BACH2: variants seen among roughly 807,000 people sequenced by gnomAD.
BACH2 encodes the protein BACH transcriptional regulator 2.
BACH2 carries 5 observed loss-of-function variants against 61.8 expected under a neutral mutation model. That is an observed-to-expected ratio of 0.08 (90% CI 0.04 to 0.17). The LOEUF is 0.17. BACH2 is among the 10% of genes least tolerant of loss of function. The probability of loss-of-function intolerance (pLI) is 1.00; values close to 1 mark genes in which losing one functional copy is unlikely to be tolerated. For synonymous variants in BACH2, 446 were observed against 440.1 expected (o/e 1.01, Z -0.17); for missense variants, 824 against 1,091.1 (o/e 0.76, Z 3.45).
chr6:90,188,802 C>T (rs9344993), intron 4 of BACH2, among the ~76,000 whole-genome samples: 13,943 of 142,616 alleles, frequency 0.098, 1,047 homozygotes, highest in East Asian at 0.39. Context: ...TGAGTATTTA[C>T]GTTTTTTAGC....
At chr6:90,094,214 T>A (rs1020639230) in intron 4 of BACH2, among the ~76,000 whole-genome samples, 10 of 152,206 alleles carry the variant, frequency 6.6e-5, no homozygotes, top group African/African-American at 2.4e-4. Flanking sequence ...TTCTTACCAA[T>A]TAGTTGTGAA....
intron 5 of BACH2, among the ~76,000 whole-genome samples, chr6:90,048,123 A>ATT (rs111702545): frequency 8.1e-5 from 12 of 149,004 alleles, no homozygotes; most frequent in African/African-American, 2.9e-4. Flanking sequence ...AGGTCTTTCT[A>ATT]TTTTTTTTTT....
At chr6:90,243,404 T>C (rs1770524138) in intron 3 of BACH2, among the ~76,000 whole-genome samples, 1 of 152,198 alleles carries the variant, frequency 6.6e-6, no homozygotes, top group Admixed American at 6.5e-5. Context: ...GTTCAGACTT[T>C]GGAGAAAATG....
intron 5 of BACH2, among the ~76,000 whole-genome samples, chr6:90,026,932 C>T (rs1053512722): frequency 2.0e-5 from 3 of 152,118 alleles, no homozygotes; most frequent in African/African-American, 4.8e-5. Context: ...CTAAGAAAAT[C>T]GAAATTCAAG....
chr6:89,974,102 T>C (rs1362990567), intron 6 of BACH2, among the ~76,000 whole-genome samples: 1 of 152,180 alleles, frequency 6.6e-6, no homozygotes, highest in Non-Finnish European at 1.5e-5. Flanking sequence ...ACCCTGGACC[T>C]GTTTCCCACC....
chr6:90,200,340 G>A (rs1768915846), intron 4 of BACH2, among the ~76,000 whole-genome samples: 1 of 152,094 alleles, frequency 6.6e-6, no homozygotes, highest in East Asian at 1.9e-4. Flanking sequence ...ACACGTAAAT[G>A]AAGAAATGGC....
chr6:90,138,361 T>G (rs1784351421), intron 4 of BACH2, among the ~76,000 whole-genome samples: 1 of 152,004 alleles, frequency 6.6e-6, no homozygotes, highest in Admixed American at 6.5e-5. Context: ...AAATTAGCCA[T>G]GCGTGGTGGC....
At chr6:90,255,449 A>C (rs1481944611) in intron 2 of BACH2, among the ~76,000 whole-genome samples, 1 of 152,166 alleles carries the variant, frequency 6.6e-6, no homozygotes, top group Admixed American at 6.5e-5. Flanking sequence ...CTGAGACCCA[A>C]AGAGTGTCAG....
chr6:90,209,697 A>C (rs1769276007), intron 3 of BACH2, among the ~76,000 whole-genome samples: 1 of 152,180 alleles, frequency 6.6e-6, no homozygotes, highest in South Asian at 2.1e-4. Context: ...ACCCAGCTCC[A>C]ATCATGCCAC....
intron 5 of BACH2, among the ~76,000 whole-genome samples, chr6:90,076,057 A>C (rs1305413941): frequency 6.6e-6 from 1 of 152,168 alleles, no homozygotes; most frequent in Non-Finnish European, 1.5e-5. Flanking sequence ...AAGAAGCGAA[A>C]AAAATGATTT....
At chr6:90,013,000 G>A (rs1340972691) in intron 5 of BACH2, among the ~76,000 whole-genome samples, 1 of 152,062 alleles carries the variant, frequency 6.6e-6, no homozygotes. Context: ...TACCTCTTTT[G>A]TCAGATTTAT....
intron 5 of BACH2, among the ~76,000 whole-genome samples, chr6:90,078,163 A>G (rs1209376764): frequency 6.6e-6 from 1 of 152,194 alleles, no homozygotes; most frequent in Non-Finnish European, 1.5e-5. Context: ...GAATTACACC[A>G]CCATGGAAGC....
intron 5 of BACH2, among the ~76,000 whole-genome samples, chr6:90,081,995 C>A (rs1781746310): frequency 6.6e-6 from 1 of 152,040 alleles, no homozygotes; most frequent in South Asian, 2.1e-4. Flanking sequence ...AGAGATGCAT[C>A]TTTAAAGGGG....
At chr6:90,184,815 A>G (rs1029390721) in intron 4 of BACH2, among the ~76,000 whole-genome samples, 1 of 152,198 alleles carries the variant, frequency 6.6e-6, no homozygotes, top group East Asian at 1.9e-4. Flanking sequence ...TGCCTATGGT[A>G]TGGCTAAGGG....
intron 1 of BACH2, among the ~76,000 whole-genome samples, chr6:90,272,848 C>T (rs1223448282): frequency 1.3e-5 from 2 of 152,184 alleles, no homozygotes; most frequent in East Asian, 3.8e-4. Context: ...GTGCTGCTGC[C>T]ATTTTGATCT....
chr6:90,056,210 C>T (rs1582278805), intron 5 of BACH2, among the ~76,000 whole-genome samples: 1 of 152,184 alleles, frequency 6.6e-6, no homozygotes, highest in East Asian at 1.9e-4. Flanking sequence ...TATCAGTGTG[C>T]TGTATTCAGG....
intron 5 of BACH2, among the ~76,000 whole-genome samples, chr6:90,034,810 C>G (rs1329160681): frequency 6.6e-6 from 1 of 152,122 alleles, no homozygotes; most frequent in Non-Finnish European, 1.5e-5. Context: ...ATGGCTTGCC[C>G]ATGCTCTCCT....
chr6:90,142,896 C>T (rs1281317134), intron 4 of BACH2, among the ~76,000 whole-genome samples: 2 of 152,060 alleles, frequency 1.3e-5, no homozygotes, highest in Non-Finnish European at 2.9e-5. Flanking sequence ...ATACATTGGA[C>T]ATGATTAGAG....
chr6:90,028,774 T>C (rs1173282592), intron 5 of BACH2, among the ~76,000 whole-genome samples: 1 of 152,086 alleles, frequency 6.6e-6, no homozygotes. Flanking sequence ...GAGGCTCTGG[T>C]GCCAGCCTAC....
Sources: gnomAD v4.1 joint callset for allele counts (sites outside exome capture counted in the v4.1 genomes callset) on GRCh38, gnomAD v4.1.1 for gene constraint, MANE v1.5 for transcripts, NCBI Gene and HGNC (gene_info 2026-07-23, HGNC 2026-07-21) for gene names.